Variants in RTN1 observed in about 807,000 individuals in gnomAD.
The protein encoded by RTN1 is reticulon-1.
RTN1 carries 25 observed loss-of-function variants against 65.5 expected under a neutral mutation model. That is an observed-to-expected ratio of 0.38 (90% CI 0.28 to 0.53). The LOEUF is 0.53. Ranked by LOEUF, RTN1 falls within the 20% of genes least tolerant of loss-of-function variation. The pLI, the probability that RTN1 is intolerant of heterozygous loss-of-function variation, is 0.79. For missense variants in RTN1, 983 were observed against 1,025.4 expected, an observed-to-expected ratio of 0.96 and a Z score of 0.57; for synonymous variants, 471 against 447.6, an observed-to-expected ratio of 1.05 and a Z score of -0.66.
At chr14:59,726,389 G>A (rs1001046063) in intron 3 of RTN1, among the ~76,000 whole-genome samples, 2 of 152,156 alleles carry the variant, frequency 1.3e-5, no homozygotes, top group African/African-American at 4.8e-5. Context: ...GACTCACTGG[G>A]ACATAAAAAC....
chr14:59,741,343 C>T (rs1279568207), intron 2 of RTN1, among the ~76,000 whole-genome samples: 1 of 152,190 alleles, frequency 6.6e-6, no homozygotes, highest in Non-Finnish European at 1.5e-5. Context: ...GAAGCCTCTC[C>T]TCACCCCCAC....
intron 1 of RTN1, among the ~76,000 whole-genome samples, chr14:59,853,404 A>T (rs1887544877): frequency 6.6e-6 from 1 of 152,196 alleles, no homozygotes; most frequent in Non-Finnish European, 1.5e-5. Flanking sequence ...CGCCAGTCAC[A>T]TAAACATGCC....
At chr14:59,604,651 G>A (rs1881686574) in intron 5 of RTN1, 1 of 152,228 alleles carries the variant, frequency 6.6e-6, no homozygotes, top group African/African-American at 2.4e-5. Flanking sequence ...ACAGTTACCA[G>A]ACAGCTCCCA....
rs967904573 is a variant in RTN1, at chr14:59,870,712, C to T, written c.-82G>A. 2.5e-5 allele frequency: 31 copies of T among 1,263,958 alleles called. No individual in the cohort carries two copies. Among genetic ancestry groups the T allele is most frequent in the Non-Finnish European group, 2.0e-5 (20 of 1,005,610 alleles). 78.3% of individuals were successfully genotyped at this position (1,263,958 alleles called of 1,614,324 possible). A position where few individuals can be genotyped will look rare whatever the true frequency, so the allele number is the denominator to read the frequency against. On this transcript the variant is annotated 5_prime_UTR_variant, in exon 1 of 9. Transcript: ENST00000267484. This position sits in a 1 kb window ranked among gnomAD's most constrained non-coding sequence, Gnocchi z 5.1. Reference sequence around the variant, plus strand: ...TGCGCGGGCGCTCCCTGCTGCTGTCCCCGGAGGGACTCGGCGCTCAGGGAA... The same window carrying T: ...TGCGCGGGCGCTCCCTGCTGCTGTCTCCGGAGGGACTCGGCGCTCAGGGAA...
At chr14:59,775,736 T>C (rs1886038920) in intron 1 of RTN1, among the ~76,000 whole-genome samples, 1 of 152,218 alleles carries the variant, frequency 6.6e-6, no homozygotes, top group Non-Finnish European at 1.5e-5. Flanking sequence ...ATTTTATAAG[T>C]ACATCTTCTA....
intron 5 of RTN1, chr14:59,604,344 A>G (rs1595108632): frequency 6.4e-6 from 1 of 155,308 alleles, no homozygotes; most frequent in South Asian, 2.0e-4. Context: ...TCCTTTTTGT[A>G]CTGTCTTTTT....
chr14:59,659,176 G>C (rs538355512), intron 3 of RTN1, among the ~76,000 whole-genome samples: 1 of 149,570 alleles, frequency 6.7e-6, no homozygotes, highest in South Asian at 2.1e-4. Context: ...GTGAAGACAA[G>C]ATTAGAGAAA....
chr14:59,659,962 C>G (rs745716059), intron 3 of RTN1, among the ~76,000 whole-genome samples: 1 of 152,040 alleles, frequency 6.6e-6, no homozygotes, highest in East Asian at 1.9e-4. Context: ...GATAAAGAGT[C>G]GAAACCCATC....
intron 3 of RTN1, among the ~76,000 whole-genome samples, chr14:59,658,215 G>C (rs932483066): frequency 8.5e-5 from 13 of 152,224 alleles, no homozygotes; most frequent in African/African-American, 2.7e-4. Flanking sequence ...TCCTCTCTGG[G>C]CATGGCATCT....
intron 3 of RTN1, among the ~76,000 whole-genome samples, chr14:59,641,198 G>A (rs1009725294): frequency 6.6e-6 from 1 of 152,062 alleles, no homozygotes; most frequent in African/African-American, 2.4e-5. Context: ...GAACTCCTGG[G>A]TTTGGGACAT....
chr14:59,750,159 TATATATTATATCTATAATATATAATAC>T lies in RTN1; in HGVS notation c.242-3705_242-3679del, dbSNP rs1246261263. 2.3e-3 allele frequency among the ~76,000 whole-genome samples: 104 copies of T among 46,046 alleles called. 4 individuals are homozygous for T. Among genetic ancestry groups the T allele is most frequent in the African/African-American group, 9.5e-3 (83 of 8,750 alleles). 30.2% of individuals were successfully genotyped at this position (46,046 alleles called of 152,430 possible). A position where few individuals can be genotyped will look rare whatever the true frequency, so the allele number is the denominator to read the frequency against. Reference sequence around the variant, plus strand: ...TATATAATATATATATTATAGATAATATATATTATATCTATAATATATAATACATATATTATATCTATAATATATAAT... The same window carrying T: ...TATATAATATATATATTATAGATAATATATATTATATCTATAATATATAAT... On this transcript the variant is annotated intron_variant, in intron 1 of 8. Transcript: ENST00000267484.
chr14:59,855,590 T>C (rs1304765564), intron 1 of RTN1, among the ~76,000 whole-genome samples: 2 of 152,206 alleles, frequency 1.3e-5, no homozygotes, highest in African/African-American at 4.8e-5. Context: ...TGGTGTCGAT[T>C]GTCTTTTGTC....
At chr14:59,805,765 T>G (rs963568218) in intron 1 of RTN1, among the ~76,000 whole-genome samples, 12 of 152,130 alleles carry the variant, frequency 7.9e-5, no homozygotes, top group African/African-American at 2.9e-4. Context: ...ATTATAAATT[T>G]TACATTATTA....
intron 3 of RTN1, among the ~76,000 whole-genome samples, chr14:59,660,015 A>T (rs929648525): frequency 1.3e-5 from 2 of 152,154 alleles, no homozygotes; most frequent in African/African-American, 4.8e-5. Flanking sequence ...GCAAAGACAC[A>T]CATAAGCTTA....
chr14:59,628,790 C>T (rs1048251085), intron 3 of RTN1, among the ~76,000 whole-genome samples: 7 of 152,016 alleles, frequency 4.6e-5, no homozygotes, highest in Admixed American at 6.5e-5. Flanking sequence ...CTGAGGCAAC[C>T]GAGTCAAACC....
chr14:59,757,323 G>A (rs753905317), intron 1 of RTN1, among the ~76,000 whole-genome samples: 15 of 152,142 alleles, frequency 9.9e-5, no homozygotes, highest in Non-Finnish European at 1.8e-4. Context: ...ATTGAAATAT[G>A]TGGGCAGTTT....
intron 3 of RTN1, 127 bp downstream of exon 3, chr14:59,726,792 G>C (rs114573358): frequency 2.5e-6 from 2 of 803,732 alleles, no homozygotes; most frequent in East Asian, 2.7e-5. Context: ...CCCTGGAACC[G>C]TTCTCTGGTC....
At chr14:59,752,016 T>G (rs1885532776) in intron 1 of RTN1, among the ~76,000 whole-genome samples, 1 of 152,092 alleles carries the variant, frequency 6.6e-6, no homozygotes, top group South Asian at 2.1e-4. Context: ...ACTCTCCAAT[T>G]CAAATTCTAA....
chr14:59,694,343 G>C lies in RTN1; in HGVS notation c.1765+32576C>G, dbSNP rs151007821. On this transcript the variant is annotated intron_variant, in intron 3 of 8. Coordinates refer to ENST00000267484, the MANE Select transcript of RTN1 (RefSeq NM_021136.3). ...AGTTCTAGGCATGTGGGAAGAGGGG[G>C]AGAACTGTTCCCAATGGGCATAAAT... Among the ~76,000 whole-genome samples, 309 of 152,296 alleles carry C rather than the reference G, an allele frequency of 2.0e-3. 2 individuals are homozygous for C. Among genetic ancestry groups the C allele is most frequent in the African/African-American group, 7.2e-3 (301 of 41,564 alleles).
Sources: gnomAD v4.1 joint callset for allele counts (sites outside exome capture counted in the v4.1 genomes callset) on GRCh38, gnomAD v4.1.1 for gene constraint, Gnocchi (gnomAD v3.1) non-coding constraint, MANE v1.5 for transcripts, NCBI Gene and HGNC (gene_info 2026-07-23, HGNC 2026-07-21) for gene names.